The following REV3L variants were observed in gnomAD, a reference collection of about 807,000 sequenced individuals.
REV3L encodes DNA polymerase zeta catalytic subunit.
REV3L carries 69 observed loss-of-function variants against 299.4 expected under a neutral mutation model. That is an observed-to-expected ratio of 0.23 (90% CI 0.19 to 0.28). REV3L has a LOEUF of 0.28. REV3L is among the 10% of genes least tolerant of loss of function. The probability of loss-of-function intolerance (pLI) is 1.00; values close to 1 mark genes in which losing one functional copy is unlikely to be tolerated. For missense variants in REV3L, 3,128 were observed against 3,693.8 expected (o/e 0.85, Z 3.97); for synonymous variants, 1,238 against 1,271.4 (o/e 0.97, Z 0.56).
chr6:111,372,316 C>T (rs569793590), intron 13 of REV3L, among the ~76,000 whole-genome samples: 2 of 152,116 alleles, frequency 1.3e-5, no homozygotes, highest in African/African-American at 4.8e-5. Flanking sequence ...CAGTGAGCAC[C>T]TCTAATCTTT....
chr6:111,382,491 T>C (rs769324166), intron 9 of REV3L, among the ~76,000 whole-genome samples: 1 of 152,142 alleles, frequency 6.6e-6, no homozygotes, highest in African/African-American at 2.4e-5. Context: ...CCTGTCACAG[T>C]GGAGAGCGAC....
intron 27 of REV3L, among the ~76,000 whole-genome samples, chr6:111,314,388 C>A (rs1773298766): frequency 6.6e-6 from 1 of 152,136 alleles, no homozygotes; most frequent in African/African-American, 2.4e-5. Flanking sequence ...CTGGGTCATA[C>A]AAAACAAAGC....
intron 3 of REV3L, among the ~76,000 whole-genome samples, chr6:111,408,602 AAAAACAAAACAAAACAAAACAAAAC>A (rs75742786): frequency 1.1e-4 from 16 of 148,006 alleles, no homozygotes; most frequent in Non-Finnish European, 1.6e-4. Flanking sequence ...ACTCCATCTT[AAAAACAAAACAAAACAAAACAAAAC>A]AAAACAAAAC....
chr6:111,415,460 C>T (rs1784661180), intron 2 of REV3L, among the ~76,000 whole-genome samples: 1 of 152,112 alleles, frequency 6.6e-6, no homozygotes, highest in South Asian at 2.1e-4. Flanking sequence ...TGTATAGTAG[C>T]TGGGGCCATT....
At chr6:111,328,702 G>T (rs895503786) in intron 25 of REV3L, among the ~76,000 whole-genome samples, 1 of 152,154 alleles carries the variant, frequency 6.6e-6, no homozygotes, top group African/African-American at 2.4e-5. Context: ...TCATAGAAAT[G>T]AAATGGTTTA....
intron 1 of REV3L, among the ~76,000 whole-genome samples, chr6:111,463,401 AAAC>A (rs1217813132): frequency 6.6e-6 from 1 of 152,242 alleles, no homozygotes; most frequent in Non-Finnish European, 1.5e-5. Flanking sequence ...GCACTAAGCT[AAAC>A]AACTATTAAT....
Position 111,333,226 on chromosome 6 carries a change from T to C in REV3L, c.7822A>G (p.Asn2608Asp). Residue 2608 changes from asparagine (N) to aspartate (D), a missense_variant, in exon 23 of 32, where the codon AAC (asparagine) becomes GAC (aspartate). Transcript: ENST00000368802. ...TGGAAATCCAAAACGAGAACAGAGT[T>C]GCTATAGAAGCGGGATTCAGGCTCC... ...IMEPESRFYS[N>D]SVLVLDFQSL... 6.2e-7 allele frequency: 1 copy of C among 1,614,160 alleles called. No individual in the cohort carries two copies. Among genetic ancestry groups the C allele is most frequent in the East Asian group, 2.2e-5 (1 of 44,862 alleles).
At chr6:111,379,950 TAATA>T in intron 11 of REV3L, 28 bp downstream of exon 11, 1 of 1,294,252 alleles carries the variant, frequency 7.7e-7, no homozygotes, top group Non-Finnish European at 1.1e-6. Flanking sequence ...TGATAAAAGT[TAATA>T]AAACAACTGC....
At chr6:111,325,205 C>T (rs1461501309) in intron 25 of REV3L, among the ~76,000 whole-genome samples, 1 of 152,050 alleles carries the variant, frequency 6.6e-6, no homozygotes, top group Non-Finnish European at 1.5e-5. Context: ...AAAATTAATT[C>T]CCTGAAAAGA....
In REV3L at chr6:111,347,182, T is replaced by C. The variant is rs572250804; in HGVS notation, c.7419+2036A>G. Among the ~76,000 whole-genome samples, 4 of 152,174 alleles carry C rather than the reference T, an allele frequency of 2.6e-5. No individual in the cohort carries two copies. The South Asian group carries it at 6.2e-4, about 24-fold the overall frequency. On this transcript the variant is annotated intron_variant, in intron 20 of 31. Coordinates refer to ENST00000368802, the MANE Select transcript of REV3L (RefSeq NM_001372078.1). ...TACTCAGGAGGCTGAGACAGGAGAA[T>C]TGCTTGAACCCAGGAGGCGGAGGTT...
chr6:111,440,538 G>A (rs530286574), intron 1 of REV3L, among the ~76,000 whole-genome samples: 28 of 152,226 alleles, frequency 1.8e-4, no homozygotes, highest in African/African-American at 6.7e-4. Context: ...CAGCCCTCCT[G>A]TCCCTTATAA....
intron 5 of REV3L, among the ~76,000 whole-genome samples, chr6:111,390,945 T>G (rs932538985): frequency 1.3e-5 from 2 of 151,986 alleles, no homozygotes; most frequent in East Asian, 3.9e-4. Context: ...CCTAGTTTAC[T>G]CATTCCAAAA....
At chr6:111,377,186 G>A (rs1276251791) in intron 12 of REV3L, among the ~76,000 whole-genome samples, 1 of 152,040 alleles carries the variant, frequency 6.6e-6, no homozygotes, top group East Asian at 1.9e-4. Context: ...TTAGAAATGA[G>A]AAGCAAATCA....
At chr6:111,364,872 A>C (rs1036150304) in intron 15 of REV3L, among the ~76,000 whole-genome samples, 5 of 152,054 alleles carry the variant, frequency 3.3e-5, no homozygotes, top group African/African-American at 1.2e-4. Flanking sequence ...AAAATCAATA[A>C]GGTTATATTT....
chr6:111,372,276 T>G (rs1384466728), intron 13 of REV3L, among the ~76,000 whole-genome samples: 1 of 152,234 alleles, frequency 6.6e-6, no homozygotes, highest in Non-Finnish European at 1.5e-5. Context: ...ATGATCATTG[T>G]AATCCTTTTA....
intron 25 of REV3L, among the ~76,000 whole-genome samples, chr6:111,328,927 G>A (rs1428577276): frequency 2.0e-5 from 3 of 151,940 alleles, no homozygotes; most frequent in Non-Finnish European, 2.9e-5. Context: ...CACTATGCCC[G>A]GCTAGTTTTT....
intron 19 of REV3L, among the ~76,000 whole-genome samples, chr6:111,349,592 T>TGCA (rs1777390132): frequency 3.3e-5 from 5 of 152,186 alleles, no homozygotes; most frequent in Non-Finnish European, 4.4e-5. Flanking sequence ...TTGTTTTTTA[T>TGCA]GTTGCCCAGG....
intron 9 of REV3L, 71 bp downstream of exon 9, chr6:111,387,694 A>G (rs1781483336): frequency 6.3e-6 from 9 of 1,434,038 alleles, no homozygotes; most frequent in Non-Finnish European, 8.7e-6. Flanking sequence ...AGCAAACTCA[A>G]TCAAATATTA....
intron 11 of REV3L, among the ~76,000 whole-genome samples, chr6:111,378,644 T>C (rs1360475138): frequency 1.3e-5 from 2 of 152,190 alleles, no homozygotes; most frequent in African/African-American, 4.8e-5. Flanking sequence ...CAGGGCAATC[T>C]TTCCACTGTT....
Sources: gnomAD v4.1 joint callset for allele counts (sites outside exome capture counted in the v4.1 genomes callset) on GRCh38, gnomAD v4.1.1 for gene constraint, MANE v1.5 for transcripts, NCBI Gene and HGNC (gene_info 2026-07-23, HGNC 2026-07-21) for gene names.